Variants in WDR70 observed in about 807,000 individuals in gnomAD.
WDR70 encodes the protein WD repeat-containing protein 70.
Under a neutral mutation model 88.6 loss-of-function variants are expected in WDR70, and 53 were observed. The ratio of observed to expected loss-of-function variants is 0.60; its 90% CI spans 0.48 to 0.75. WDR70 has a LOEUF of 0.75. WDR70 is among the 30% of genes least tolerant of loss of function. The probability of loss-of-function intolerance (pLI) is 0.00; values close to 1 mark genes in which losing one functional copy is unlikely to be tolerated. For synonymous variants in WDR70, 280 were observed against 270.0 expected (o/e 1.04, Z -0.36); for missense variants, 610 against 823.2 (o/e 0.74, Z 3.17).
At chr5:37,558,818 T>G (rs763779564) in intron 9 of WDR70, among the ~76,000 whole-genome samples, 1 of 152,192 alleles carries the variant, frequency 6.6e-6, no homozygotes, top group Non-Finnish European at 1.5e-5. Flanking sequence ...TAAGCCTAGT[T>G]TTGTTGTCCT....
chr5:37,518,465 C>T (rs917996087), intron 9 of WDR70, among the ~76,000 whole-genome samples: 10 of 152,050 alleles, frequency 6.6e-5, no homozygotes, highest in South Asian at 2.1e-4. Flanking sequence ...TGGTTGTCTG[C>T]GTGTCTGGCT....
At chr5:37,386,633 G>T (rs562278161) in intron 3 of WDR70, among the ~76,000 whole-genome samples, 7 of 152,140 alleles carry the variant, frequency 4.6e-5, no homozygotes, top group African/African-American at 1.7e-4. Context: ...CAATTTTTGT[G>T]GGTATATAGT....
At chr5:37,524,804 A>G (rs1741209293) in intron 9 of WDR70, among the ~76,000 whole-genome samples, 1 of 152,224 alleles carries the variant, frequency 6.6e-6, no homozygotes, top group Non-Finnish European at 1.5e-5. Context: ...AAGTAAATGG[A>G]AAACAAAAAG....
At chr5:37,602,135 G>A (rs1015563682) in intron 9 of WDR70, among the ~76,000 whole-genome samples, 45 of 152,096 alleles carry the variant, frequency 3.0e-4, no homozygotes, top group African/African-American at 1.1e-3. Context: ...GGGATGATGG[G>A]TGCAGCAAAC....
intron 4 of WDR70, among the ~76,000 whole-genome samples, chr5:37,393,977 T>C (rs1214215349): frequency 6.6e-6 from 1 of 152,062 alleles, no homozygotes; most frequent in Non-Finnish European, 1.5e-5. Flanking sequence ...CCACTGCGCC[T>C]GGCCTGATTT....
At chr5:37,473,849 C>G (rs1238066017) in intron 7 of WDR70, among the ~76,000 whole-genome samples, 2 of 152,018 alleles carry the variant, frequency 1.3e-5, no homozygotes, top group Non-Finnish European at 2.9e-5. Flanking sequence ...TTGTTTGGAA[C>G]ATTTTGTATC....
At chr5:37,485,858 A>ATTTTTTTTTTTTTT (rs57109943) in intron 8 of WDR70, among the ~76,000 whole-genome samples, 28 of 108,284 alleles carry the variant, frequency 2.6e-4, no homozygotes, top group East Asian at 1.5e-3. Context: ...TGCCTGGCTA[A>ATTTTTTTTTTTTTT]TTTTTTTTTT....
intron 9 of WDR70, among the ~76,000 whole-genome samples, chr5:37,534,739 A>G (rs976731245): frequency 2.0e-5 from 3 of 152,126 alleles, no homozygotes; most frequent in African/African-American, 7.2e-5. Context: ...TCAGCCTCCC[A>G]AAGTTCTGGG....
chr5:37,395,368 A>G (rs1748979101), intron 4 of WDR70, among the ~76,000 whole-genome samples: 1 of 152,154 alleles, frequency 6.6e-6, no homozygotes, highest in African/African-American at 2.4e-5. Flanking sequence ...TTAGACTTTT[A>G]GCATCCTGAA....
At chr5:37,533,364 G>A (rs1479922280) in intron 9 of WDR70, among the ~76,000 whole-genome samples, 4 of 152,100 alleles carry the variant, frequency 2.6e-5, no homozygotes, top group African/African-American at 7.2e-5. Flanking sequence ...GGCCGAGATG[G>A]GCGTATCACT....
intron 8 of WDR70, among the ~76,000 whole-genome samples, chr5:37,502,553 G>A (rs1377574526): frequency 3.9e-5 from 6 of 152,066 alleles, no homozygotes; most frequent in African/African-American, 1.2e-4. Context: ...GTAATCATAT[G>A]GTTTTTGTTT....
At chr5:37,383,239 C>T (rs1339318958) in intron 3 of WDR70, among the ~76,000 whole-genome samples, 2 of 152,102 alleles carry the variant, frequency 1.3e-5, no homozygotes, top group Non-Finnish European at 2.9e-5. Flanking sequence ...TCTACATGTA[C>T]TATTTTTTGA....
intron 3 of WDR70, among the ~76,000 whole-genome samples, chr5:37,383,073 T>G (rs2111847534): frequency 6.6e-6 from 1 of 151,668 alleles, no homozygotes; most frequent in African/African-American, 2.4e-5. Context: ...CATCTTAAAA[T>G]AAAATAAGAT....
intron 12 of WDR70, among the ~76,000 whole-genome samples, chr5:37,702,614 A>G (rs377217248): frequency 2.0e-5 from 3 of 152,184 alleles, no homozygotes; most frequent in East Asian, 3.8e-4. Flanking sequence ...GTCTTTTTAT[A>G]CTTCCTTTAC....
intron 13 of WDR70, among the ~76,000 whole-genome samples, chr5:37,718,517 C>CATT: frequency 6.6e-6 from 1 of 152,230 alleles, no homozygotes; most frequent in South Asian, 2.1e-4. Flanking sequence ...TGTCCTGGGC[C>CATT]ATTTATGGGT....
intron 10 of WDR70, among the ~76,000 whole-genome samples, chr5:37,674,571 T>C (rs1442048736): frequency 6.6e-6 from 1 of 152,206 alleles, no homozygotes; most frequent in East Asian, 1.9e-4. Context: ...CTCACCCTTT[T>C]TTATGGCTGC....
At chr5:37,585,085 G>A (rs1345546080) in intron 9 of WDR70, among the ~76,000 whole-genome samples, 2 of 150,722 alleles carry the variant, frequency 1.3e-5, no homozygotes, top group Non-Finnish European at 2.9e-5. Flanking sequence ...CTGCCTCCCA[G>A]GTTCAAGTGA....
chr5:37,424,657 G>C (rs1750066938), intron 5 of WDR70, among the ~76,000 whole-genome samples: 1 of 152,016 alleles, frequency 6.6e-6, no homozygotes, highest in Non-Finnish European at 1.5e-5. Flanking sequence ...CAGTCCTTCT[G>C]CCTCACCTCC....
intron 7 of WDR70, among the ~76,000 whole-genome samples, chr5:37,444,010 G>T (rs1453418796): frequency 6.6e-6 from 1 of 151,604 alleles, no homozygotes; most frequent in East Asian, 2.0e-4. Context: ...CAAGCCAGGC[G>T]TGGTGGCTCA....
Sources: gnomAD v4.1 joint callset for allele counts (sites outside exome capture counted in the v4.1 genomes callset) on GRCh38, gnomAD v4.1.1 for gene constraint, MANE v1.5 for transcripts, NCBI Gene and HGNC (gene_info 2026-07-23, HGNC 2026-07-21) for gene names.